Variants in MAP2K4 observed in about 807,000 individuals in gnomAD.
The protein encoded by MAP2K4 is mitogen-activated protein kinase kinase 4.
Under a neutral mutation model 48.5 loss-of-function variants are expected in MAP2K4, and 4 were observed. The observed-to-expected ratio is 0.08, with a 90% CI of 0.04 to 0.19. The LOEUF (loss-of-function observed/expected upper bound fraction) is 0.19, where lower values mean the gene tolerates loss of function less well. Ranked by LOEUF, MAP2K4 falls within the 10% of genes least tolerant of loss-of-function variation. MAP2K4 has a pLI of 1.00. For missense variants in MAP2K4, 258 were observed against 493.3 expected, an observed-to-expected ratio of 0.52 and a Z score of 4.52; for synonymous variants, 166 against 173.1, an observed-to-expected ratio of 0.96 and a Z score of 0.32.
chr17:12,057,076 G>T (rs1395075491), intron 2 of MAP2K4, among the ~76,000 whole-genome samples: 1 of 151,994 alleles, frequency 6.6e-6, no homozygotes, highest in African/African-American at 2.4e-5. Flanking sequence ...CCTGGATGCA[G>T]GATCCTTTGC....
intron 1 of MAP2K4, chr17:12,036,485 C>T (rs892975299): frequency 3.3e-5 from 5 of 151,776 alleles, no homozygotes; most frequent in African/African-American, 7.3e-5. Context: ...TTTTATTTTT[C>T]GAGGAGGGAT....
intron 2 of MAP2K4, among the ~76,000 whole-genome samples, chr17:12,073,431 G>A (rs1380610544): frequency 6.6e-6 from 1 of 152,168 alleles, no homozygotes; most frequent in Non-Finnish European, 1.5e-5. Context: ...CAGTATTAGA[G>A]ACCAAGAAAA....
intron 4 of MAP2K4, among the ~76,000 whole-genome samples, chr17:12,103,348 C>T (rs1251962357): frequency 6.6e-6 from 1 of 151,876 alleles, no homozygotes; most frequent in Non-Finnish European, 1.5e-5. Flanking sequence ...CGTCTGGCCT[C>T]CGTTACATGA....
At chr17:12,115,455 T>C in intron 7 of MAP2K4, 1 of 525,748 alleles carries the variant, frequency 1.9e-6, no homozygotes, top group South Asian at 1.7e-5. Flanking sequence ...TAGGTAATTA[T>C]ATCACAACAG....
chr17:12,093,103 C>T (rs1971616511), intron 3 of MAP2K4, among the ~76,000 whole-genome samples: 1 of 152,188 alleles, frequency 6.6e-6, no homozygotes, highest in Admixed American at 6.5e-5. Flanking sequence ...CTACCTACTG[C>T]CAGATACTTA....
intron 2 of MAP2K4, among the ~76,000 whole-genome samples, chr17:12,056,539 G>A (rs1970287579): frequency 2.0e-5 from 3 of 152,010 alleles, no homozygotes; most frequent in Admixed American, 1.3e-4. Context: ...AAATTTGAAA[G>A]GACATGGTAA....
At chr17:12,131,956 C>A (rs527566499) in intron 9 of MAP2K4, among the ~76,000 whole-genome samples, 1 of 152,268 alleles carries the variant, frequency 6.6e-6, no homozygotes, top group South Asian at 2.1e-4. Context: ...ATTCAAGAGG[C>A]CAGTAAACAT....
chr17:12,023,380 C>T (rs1192773523), intron 1 of MAP2K4, among the ~76,000 whole-genome samples: 3 of 152,114 alleles, frequency 2.0e-5, no homozygotes, highest in Non-Finnish European at 4.4e-5. Flanking sequence ...GGAGTCACAC[C>T]TCCCATACTG....
intron 3 of MAP2K4, among the ~76,000 whole-genome samples, chr17:12,087,939 TA>T (rs1332603662): frequency 6.6e-6 from 1 of 152,162 alleles, no homozygotes. Context: ...GTGTGTGATC[TA>T]TTTAGAAGAC....
At chr17:12,075,476 A>G (rs1483550817) in intron 2 of MAP2K4, among the ~76,000 whole-genome samples, 4 of 152,356 alleles carry the variant, frequency 2.6e-5, no homozygotes, top group Admixed American at 2.0e-4. Context: ...AATATTTGCA[A>G]TGCAGGACAA....
chr17:12,021,288 C>T, intron 1 of MAP2K4: 2 of 214,784 alleles, frequency 9.3e-6, no homozygotes. Flanking sequence ...TCCGGGACCG[C>T]CCCCGCGGCC....
chr17:12,081,621 T>TACCACAAAA lies in MAP2K4; in HGVS notation c.393+91_393+92insACCACAAAA. 1 of 1,293,214 alleles carries TACCACAAAA rather than the reference T, an allele frequency of 7.7e-7. No homozygotes were observed. The highest frequency in any genetic ancestry group is 1.1e-6 in the Non-Finnish European group (1 of 928,578). The allele number at this position is 1,293,214 out of a possible 1,614,324, so 80.1% of individuals were successfully genotyped here. ...ACCACTGTTGTTGTGTTCCTACTTT[T>TACCACAAAA]GTGGTAAATGTGGGTGTTTAAAAAA... On this transcript the variant is annotated intron_variant, in intron 3 of 10. Coordinates refer to ENST00000353533, the MANE Select transcript of MAP2K4 (RefSeq NM_003010.4). The surrounding 1 kb of genome is among the most constrained non-coding windows in gnomAD (Gnocchi z 4.2).
In MAP2K4 at chr17:12,081,664, T is replaced by G; in HGVS notation, c.393+134T>G. 1 of 813,204 alleles carries G rather than the reference T, an allele frequency of 1.2e-6. No individual in the cohort carries two copies. Among genetic ancestry groups the G allele is most frequent in the Non-Finnish European group, 2.0e-6 (1 of 509,182 alleles). 50.4% of individuals were successfully genotyped at this position (813,204 alleles called of 1,614,324 possible). A position where few individuals can be genotyped will look rare whatever the true frequency, so the allele number is the denominator to read the frequency against. On this transcript the variant is annotated intron_variant, in intron 3 of 10. Transcript: ENST00000353533. The surrounding 1 kb of genome is among the most constrained non-coding windows in gnomAD (Gnocchi z 4.2). The stretch of plus-strand genomic sequence containing the variant: ...TTAAAAAATTGTTTCTCCAACTCCT[T>G]TGAGGGTGTTCTGTGTAGAGGTTTC...
intron 6 of MAP2K4, 25 bp downstream of exon 6, chr17:12,110,451 T>C: frequency 6.6e-7 from 1 of 1,526,670 alleles, no homozygotes; most frequent in Non-Finnish European, 9.0e-7. Flanking sequence ...GTATTTTTTG[T>C]AATAGAAATT....
intron 5 of MAP2K4, among the ~76,000 whole-genome samples, chr17:12,108,541 T>C (rs1206951582): frequency 7.3e-6 from 1 of 136,748 alleles, no homozygotes; most frequent in Non-Finnish European, 1.6e-5. Context: ...ATCACTTTGT[T>C]TCTTGCTCTG....
chr17:12,022,259 A>T (rs1166097741), intron 1 of MAP2K4, among the ~76,000 whole-genome samples: 1 of 152,228 alleles, frequency 6.6e-6, no homozygotes, highest in East Asian at 1.9e-4. Context: ...CCCATGAAAT[A>T]ATTTTAATAT....
chr17:12,122,988 C>T (rs1972738340), intron 7 of MAP2K4, among the ~76,000 whole-genome samples: 1 of 152,150 alleles, frequency 6.6e-6, no homozygotes, highest in Admixed American at 6.5e-5. Flanking sequence ...TCTACTTGGT[C>T]ATGATACATT....
At chr17:12,097,242 C>G (rs893949223) in intron 4 of MAP2K4, among the ~76,000 whole-genome samples, 9 of 152,202 alleles carry the variant, frequency 5.9e-5, no homozygotes, top group Non-Finnish European at 1.0e-4. Context: ...ACTAGATTTT[C>G]TCTCCTAACT....
At chr17:12,086,329 G>GTT (rs747663261) in intron 3 of MAP2K4, among the ~76,000 whole-genome samples, 1 of 152,152 alleles carries the variant, frequency 6.6e-6, no homozygotes, top group Non-Finnish European at 1.5e-5. Flanking sequence ...TATGAAAAGT[G>GTT]TAAGTAGAGC....
Sources: gnomAD v4.1 joint callset for allele counts (sites outside exome capture counted in the v4.1 genomes callset) on GRCh38, gnomAD v4.1.1 for gene constraint, Gnocchi (gnomAD v3.1) non-coding constraint, MANE v1.5 for transcripts, NCBI Gene and HGNC (gene_info 2026-07-23, HGNC 2026-07-21) for gene names.